RELL1: variants seen among roughly 807,000 people sequenced by gnomAD.
RELL1 encodes RELT like 1, also known as RELT-like protein 1.
A neutral mutation model predicts 23.0 loss-of-function variants in RELL1; 10 were observed. The ratio of observed to expected loss-of-function variants is 0.43; its 90% confidence interval spans 0.27 to 0.74. The LOEUF (loss-of-function observed/expected upper bound fraction) is 0.74. RELL1 is among the 30% of genes least tolerant of loss of function. The probability of loss-of-function intolerance (pLI) is 0.19; values close to 1 mark genes in which losing one functional copy is unlikely to be tolerated. For missense variants in RELL1, 315 were observed against 364.4 expected, an observed-to-expected ratio of 0.86 and a Z score of 1.10; for synonymous variants, 146 against 146.8, an observed-to-expected ratio of 0.99 and a Z score of 0.04.
intron 1 of RELL1, among the ~76,000 whole-genome samples, chr4:37,662,050 T>A (rs10005564): frequency 0.23 from 35,132 of 152,058 alleles, 4,327 homozygotes; most frequent in African/African-American, 0.3. Context: ...TCAATTACTT[T>A]TATTTTGTTA....
Position 37,612,692 on chromosome 4 carries a change from G to A in RELL1, c.*654C>T, listed in dbSNP as rs936659725. Among the ~76,000 whole-genome samples, 4 of 151,524 alleles carry A rather than the reference G, an allele frequency of 2.6e-5. No homozygotes were observed. The highest frequency in any genetic ancestry group is 9.7e-5 in the African/African-American group (4 of 41,146). On this transcript the variant is annotated 3_prime_UTR_variant, in exon 7 of 7. Coordinates refer to ENST00000454158, the MANE Select transcript of RELL1 (RefSeq NM_001085400.2). Reference sequence around the variant, plus strand: ...TGTGTAAGTGCTGTAGGAGTGACATGGTGGTGGCAGGAGTTAATGCTGAAT... The same window carrying A: ...TGTGTAAGTGCTGTAGGAGTGACATAGTGGTGGCAGGAGTTAATGCTGAAT...
At chr4:37,678,135 C>T (rs371022664) in intron 1 of RELL1, among the ~76,000 whole-genome samples, 1 of 147,148 alleles carries the variant, frequency 6.8e-6, no homozygotes, top group East Asian at 1.9e-4. Context: ...GGAGCAGGCA[C>T]ATCACATGGC....
At chr4:37,601,846 C>A (rs943829175) in intron 6 of RELL1, among the ~76,000 whole-genome samples, 3 of 152,060 alleles carry the variant, frequency 2.0e-5, no homozygotes, top group African/African-American at 7.2e-5. Context: ...AACTAGATAA[C>A]AAAAGAATTT....
intron 1 of RELL1, 115 bp from the exon 2 acceptor site, chr4:37,649,615 T>C: frequency 4.6e-6 from 4 of 861,174 alleles, no homozygotes; most frequent in Non-Finnish European, 7.3e-6. Flanking sequence ...CCACAGGCCA[T>C]GCAGACTGGT....
At chr4:37,617,284 C>T (rs1560330584) in intron 6 of RELL1, among the ~76,000 whole-genome samples, 1 of 152,106 alleles carries the variant, frequency 6.6e-6, no homozygotes, top group Non-Finnish European at 1.5e-5. Context: ...TTCTAATGCA[C>T]GTATGAAGGT....
intron 6 of RELL1, among the ~76,000 whole-genome samples, chr4:37,620,958 A>G (rs1258670846): frequency 6.6e-6 from 1 of 152,210 alleles, no homozygotes; most frequent in Non-Finnish European, 1.5e-5. Flanking sequence ...CAGATGGAGA[A>G]GCTGGGGCAT....
Position 37,686,190 on chromosome 4 carries a change from G to T in RELL1, c.88+10C>A. On this transcript the variant is annotated intron_variant, in intron 1 of 6. Transcript: ENST00000454158. ...AGCACCCGGCGCCCCGGCTACGACC[G>T]GACACTCACCCGGAGCCACCAGCGG... 6.4e-7 allele frequency: 1 copy of T among 1,574,138 alleles called. No individual in the cohort carries two copies.
At position 37,649,478 on chromosome 4, in the gene RELL1, C is replaced by G; in HGVS notation, c.111G>C (p.Leu37Phe). The G allele has an allele frequency of 6.2e-7, 1 of 1,613,794 alleles. No individual in the cohort carries two copies. Among genetic ancestry groups the G allele is most frequent in the East Asian group, 2.2e-5 (1 of 44,884 alleles). ...ACGGGGTCGTCTCTGTTCTGGAGTG[C>G]AATGTGCGGCTGCTCCCATTGTCTA... is the stretch of plus-strand genomic sequence containing the variant. ...VAPDNGSSRT[L>F]HSRTETTPSP... The change falls in exon 2 of 7, where the codon TTG (leucine) becomes TTC (phenylalanine). Residue 37 changes from leucine (L) to phenylalanine (F), a missense_variant. Physicochemically the swap from Leu to Phe is conservative, Grantham distance 22 (BLOSUM62 0). Transcript: ENST00000454158.
At chr4:37,623,687 C>T (rs1237293336) in intron 6 of RELL1, among the ~76,000 whole-genome samples, 1 of 152,152 alleles carries the variant, frequency 6.6e-6, no homozygotes, top group African/African-American at 2.4e-5. Flanking sequence ...ACTCAGTGGG[C>T]TCAGTCTCCC....
chr4:37,610,039 C>T (rs777353163), downstream of RELL1, among the ~76,000 whole-genome samples: 7 of 152,174 alleles, frequency 4.6e-5, no homozygotes, highest in Non-Finnish European at 1.0e-4. This position sits in a 1 kb window ranked among gnomAD's most constrained non-coding sequence, Gnocchi z 4.1. Flanking sequence ...TCAAACAGTA[C>T]TGCATGCTAT....
At chr4:37,663,129 C>T (rs1324869837) in intron 1 of RELL1, among the ~76,000 whole-genome samples, 1 of 152,170 alleles carries the variant, frequency 6.6e-6, no homozygotes, top group Non-Finnish European at 1.5e-5. Context: ...GGCTCAAGGA[C>T]TGGGAGGGCT....
intron 6 of RELL1, among the ~76,000 whole-genome samples, chr4:37,626,284 C>T (rs1324620000): frequency 6.6e-6 from 1 of 152,076 alleles, no homozygotes; most frequent in African/African-American, 2.4e-5. Flanking sequence ...TCAAGATCAG[C>T]CTGGCCAACA....
chr4:37,617,897 G>A (rs1426863816), intron 6 of RELL1, among the ~76,000 whole-genome samples: 3 of 152,214 alleles, frequency 2.0e-5, no homozygotes, highest in Admixed American at 2.0e-4. Context: ...GAGGGCTCTT[G>A]TAATGATGAG....
intron 5 of RELL1, among the ~76,000 whole-genome samples, chr4:37,634,050 A>C (rs1424423666): frequency 6.6e-6 from 1 of 152,244 alleles, no homozygotes; most frequent in Non-Finnish European, 1.5e-5. Flanking sequence ...CAAATGCAAC[A>C]TCGGCAATGC....
At chr4:37,658,178 C>T (rs1453845324) in intron 1 of RELL1, among the ~76,000 whole-genome samples, 2 of 151,986 alleles carry the variant, frequency 1.3e-5, no homozygotes, top group African/African-American at 4.8e-5. Context: ...GAAAATAATG[C>T]ACAATGGCAT....
At chr4:37,590,725 G>T (rs1383301440), downstream of RELL1, 4 of 1,614,144 alleles carry the variant, frequency 2.5e-6, no homozygotes, top group South Asian at 4.4e-5. Context: ...TCAGCCCCCA[G>T]TGGGGGAGCA....
chr4:37,628,319 ACT>A (rs1720018382), intron 6 of RELL1, among the ~76,000 whole-genome samples: 1 of 152,006 alleles, frequency 6.6e-6, no homozygotes, highest in South Asian at 2.1e-4. Context: ...AGTTGTTTAA[ACT>A]CTCTGTGCTT....
chr4:37,588,767 A>AG, downstream of RELL1: 1 of 1,019,334 alleles, frequency 9.8e-7, no homozygotes, highest in South Asian at 1.3e-5. Context: ...TTGAGTCTCT[A>AG]GGGAAAAAAA....
intron 1 of RELL1, among the ~76,000 whole-genome samples, chr4:37,675,845 TGA>T (rs2109313199): frequency 6.6e-6 from 1 of 152,272 alleles, no homozygotes; most frequent in Admixed American, 6.5e-5. Context: ...CCTGGAAACA[TGA>T]GAGTTGAAAA....
Sources: gnomAD v4.1 joint callset for allele counts (sites outside exome capture counted in the v4.1 genomes callset) on GRCh38, gnomAD v4.1.1 for gene constraint, Gnocchi (gnomAD v3.1) non-coding constraint, MANE v1.5 for transcripts, NCBI Gene and HGNC (gene_info 2026-07-23, HGNC 2026-07-21) for gene names.